CNTNAP2: variants seen among roughly 807,000 people sequenced by gnomAD.
CNTNAP2 encodes the protein contactin-associated protein-like 2.
In CNTNAP2, 98 loss-of-function variants were observed where a neutral mutation model predicts 155.2. The ratio of observed to expected loss-of-function variants is 0.63; its 90% CI spans 0.54 to 0.75. The LOEUF (loss-of-function observed/expected upper bound fraction) is 0.75. CNTNAP2 is among the 30% of genes least tolerant of loss of function. The pLI is 0.00. For synonymous variants in CNTNAP2, 651 were observed against 631.2 expected (o/e 1.03, Z -0.47); for missense variants, 1,727 against 1,688.1 (o/e 1.02, Z -0.40).
At chr7:148,307,993 C>T (rs1797519590) in intron 21 of CNTNAP2, among the ~76,000 whole-genome samples, 1 of 152,100 alleles carries the variant, frequency 6.6e-6, no homozygotes, top group Non-Finnish European at 1.5e-5. Context: ...ATATACTAAA[C>T]ACTCATTTCA....
At chr7:146,969,512 A>G (rs1797735582) in intron 3 of CNTNAP2, among the ~76,000 whole-genome samples, 1 of 152,130 alleles carries the variant, frequency 6.6e-6, no homozygotes, top group African/African-American at 2.4e-5. Context: ...GGGTGCATAT[A>G]TATTTAGGAT....
intron 18 of CNTNAP2, among the ~76,000 whole-genome samples, chr7:148,212,501 A>AG (rs1368039946): frequency 1.3e-5 from 2 of 152,224 alleles, no homozygotes; most frequent in African/African-American, 4.8e-5. Context: ...TATAAAACTT[A>AG]GACTATTAGC....
At chr7:146,535,458 C>T (rs1006432578) in intron 1 of CNTNAP2, among the ~76,000 whole-genome samples, 5 of 118,638 alleles carry the variant, frequency 4.2e-5, no homozygotes, top group African/African-American at 1.5e-4. Flanking sequence ...TAGGTTTTCA[C>T]GACAGGCATG....
intron 21 of CNTNAP2, among the ~76,000 whole-genome samples, chr7:148,329,013 C>T (rs186010942): frequency 7.0e-5 from 10 of 142,808 alleles, no homozygotes; most frequent in African/African-American, 2.6e-4. Context: ...CCCAAACCAT[C>T]CCAGGGAATT....
intron 13 of CNTNAP2, among the ~76,000 whole-genome samples, chr7:147,705,378 G>T (rs1796294502): frequency 6.6e-6 from 1 of 151,998 alleles, no homozygotes; most frequent in African/African-American, 2.4e-5. Context: ...CCTTGTTACT[G>T]ATTTCTAGTT....
chr7:147,577,092 C>T (rs1337634126), intron 12 of CNTNAP2, among the ~76,000 whole-genome samples: 1 of 152,042 alleles, frequency 6.6e-6, no homozygotes, highest in African/African-American at 2.4e-5. Context: ...TTGGAAAACA[C>T]GTGCAAGAGA....
At chr7:146,679,052 T>A (rs913009436) in intron 1 of CNTNAP2, among the ~76,000 whole-genome samples, 1 of 152,194 alleles carries the variant, frequency 6.6e-6, no homozygotes, top group African/African-American at 2.4e-5. Flanking sequence ...TGCAACTTTG[T>A]TACATAGGTA....
chr7:147,560,080 A>T (rs1165130619), intron 11 of CNTNAP2, among the ~76,000 whole-genome samples: 1 of 148,654 alleles, frequency 6.7e-6, no homozygotes, highest in Admixed American at 6.9e-5. Flanking sequence ...AGGCAGGAGA[A>T]TCGCTTGAAT....
At chr7:147,829,349 A>C (rs2116632739) in intron 13 of CNTNAP2, among the ~76,000 whole-genome samples, 1 of 152,346 alleles carries the variant, frequency 6.6e-6, no homozygotes, top group South Asian at 2.1e-4. Context: ...CAACTGAGTT[A>C]CCGGGAAATT....
rs184942717 is a variant in CNTNAP2 at position 147,829,028 on chromosome 7, C to T, written c.2099-74537C>T. On this transcript the variant is annotated intron_variant, in intron 13 of 23. Coordinates refer to ENST00000361727, the MANE Select transcript of CNTNAP2 (RefSeq NM_014141.6). Reference sequence around the variant, plus strand: ...TGACCTAATTTCACCACCAAAAAAACCAGCACCATATGGCAAGTTCCCCAT... The same window carrying T: ...TGACCTAATTTCACCACCAAAAAAATCAGCACCATATGGCAAGTTCCCCAT... Among the ~76,000 whole-genome samples, 1,311 of 152,242 alleles carry T rather than the reference C, an allele frequency of 8.6e-3. 13 individuals are homozygous for T. The highest frequency in any genetic ancestry group is 0.013 in the Non-Finnish European group (888 of 68,014).
chr7:148,188,003 G>GCA (rs370428819), intron 18 of CNTNAP2, among the ~76,000 whole-genome samples: 1,738 of 150,542 alleles, frequency 0.012, 40 homozygotes, highest in African/African-American at 0.04. Flanking sequence ...GCACACACAT[G>GCA]CACACACACA....
intron 3 of CNTNAP2, among the ~76,000 whole-genome samples, chr7:146,926,091 T>C (rs910179801): frequency 2.0e-5 from 3 of 152,196 alleles, no homozygotes; most frequent in African/African-American, 4.8e-5. Flanking sequence ...CAAATGCTTA[T>C]AGTAGCTGAC....
chr7:147,977,717 G>T, intron 14 of CNTNAP2, 145 bp from the exon 15 acceptor site: 1 of 1,150,128 alleles, frequency 8.7e-7, no homozygotes, highest in South Asian at 1.3e-5. Flanking sequence ...GGAAGAGAGA[G>T]AACAACTCTT....
chr7:147,414,433 A>T (rs1329036721), intron 10 of CNTNAP2, among the ~76,000 whole-genome samples: 2 of 28,622 alleles, frequency 7.0e-5, no homozygotes, highest in African/African-American at 1.8e-4. Context: ...CAAAAACATT[A>T]AAAAAAAAAA....
At chr7:146,933,099 T>C (rs1315412869) in intron 3 of CNTNAP2, among the ~76,000 whole-genome samples, 1 of 152,096 alleles carries the variant, frequency 6.6e-6, no homozygotes, top group East Asian at 1.9e-4. Flanking sequence ...TTAAAGTTCA[T>C]ATGGCACCAA....
At chr7:147,334,188 A>G (rs145723988) in intron 9 of CNTNAP2, among the ~76,000 whole-genome samples, 15 of 152,222 alleles carry the variant, frequency 9.9e-5, no homozygotes, top group East Asian at 1.9e-4. Context: ...TGGTACATCA[A>G]TCCATCTTTT....
chr7:148,331,748 G>GGGT (rs1563046030), intron 21 of CNTNAP2, among the ~76,000 whole-genome samples: 4,727 of 150,136 alleles, frequency 0.031, 509 homozygotes, highest in East Asian at 0.069. Context: ...TGGATGGATG[G>GGGT]AACGGACGGA....
intron 21 of CNTNAP2, among the ~76,000 whole-genome samples, chr7:148,294,873 C>T (rs1797254752): frequency 6.6e-6 from 1 of 152,034 alleles, no homozygotes; most frequent in African/African-American, 2.4e-5. Context: ...TAATCTATTG[C>T]CATTCTAAGA....
intron 1 of CNTNAP2, among the ~76,000 whole-genome samples, chr7:146,595,101 G>A (rs7790810): frequency 0.034 from 5,147 of 152,078 alleles, 292 homozygotes; most frequent in African/African-American, 0.12. Context: ...CACTGTGTGG[G>A]TTGGCTCCAG....
Sources: gnomAD v4.1 joint callset for allele counts (sites outside exome capture counted in the v4.1 genomes callset) on GRCh38, gnomAD v4.1.1 for gene constraint, MANE v1.5 for transcripts, NCBI Gene and HGNC (gene_info 2026-07-23, HGNC 2026-07-21) for gene names.